The following LEMD1 variants were observed in gnomAD, a reference collection of about 807,000 sequenced individuals.
LEMD1 encodes the protein LEM domain containing 1.
Under a neutral mutation model 17.4 loss-of-function variants are expected in LEMD1, and 18 were observed. The observed-to-expected ratio is 1.04, with a 90% CI of 0.72 to 1.54. LEMD1 has a LOEUF of 1.54. Ranked by LOEUF, LEMD1 falls within the 40% of genes most tolerant of loss-of-function variation. The pLI is 0.00. For synonymous variants in LEMD1, 88 were observed against 77.8 expected, an observed-to-expected ratio of 1.13 and a Z score of -0.69; for missense variants, 195 against 210.4, an observed-to-expected ratio of 0.93 and a Z score of 0.45.
At chr1:205,447,681 C>T (rs941692776) in intron 1 of LEMD1, among the ~76,000 whole-genome samples, 5 of 151,940 alleles carry the variant, frequency 3.3e-5, no homozygotes, top group Admixed American at 1.3e-4. Flanking sequence ...CTTCACACAC[C>T]GCAGGAGGGG....
At chr1:205,438,804 G>A (rs1337096882) in intron 1 of LEMD1, among the ~76,000 whole-genome samples, 2 of 152,028 alleles carry the variant, frequency 1.3e-5, no homozygotes, top group African/African-American at 2.4e-5. Flanking sequence ...GTATCCCTCT[G>A]GAGCCAAGGG....
intron 4 of LEMD1, among the ~76,000 whole-genome samples, chr1:205,415,370 G>C (rs1483697006): frequency 2.0e-5 from 3 of 152,112 alleles, no homozygotes; most frequent in African/African-American, 4.8e-5. Context: ...CCGCAAAGAG[G>C]GGGTGAGGGA....
At chr1:205,388,399 C>G (rs1421693900) in intron 4 of LEMD1, among the ~76,000 whole-genome samples, 2 of 152,272 alleles carry the variant, frequency 1.3e-5, no homozygotes, top group East Asian at 3.9e-4. Flanking sequence ...GGGGTTTCAC[C>G]AGGATGGCCT....
Position 205,421,990 on chromosome 1 carries a change from C to A in LEMD1, c.-39G>T, listed in dbSNP as rs1395233591. 1.3e-5 allele frequency: 2 copies of A among 152,132 alleles called. No individual in the cohort carries two copies. Among genetic ancestry groups the A allele is most frequent in the Non-Finnish European group, 2.9e-5 (2 of 68,028 alleles). The allele number at this position is 152,132 out of a possible 1,614,324, so 9.4% of individuals were successfully genotyped here. ...CCAACTGGATGATTAATTCACTTAC[C>A]CCTTCACATGGTTATCTAAAGTCTA... On this transcript the variant is annotated splice_region_variant and 5_prime_UTR_variant, in exon 1 of 6. Transcript: ENST00000367153.
At chr1:205,420,344 C>T (rs1665903328) in intron 2 of LEMD1, 111 bp downstream of exon 2, 1 of 804,188 alleles carries the variant, frequency 1.2e-6, no homozygotes, top group Non-Finnish European at 2.1e-6. Flanking sequence ...TCTGTTTTCT[C>T]TATGTTCCTA....
At chr1:205,390,598 T>C (rs1664287020) in intron 4 of LEMD1, among the ~76,000 whole-genome samples, 1 of 152,222 alleles carries the variant, frequency 6.6e-6, no homozygotes, top group African/African-American at 2.4e-5. Context: ...CAAACCAGGC[T>C]ACAAAATAAT....
At chr1:205,418,763 GC>G (rs1412791371) in intron 3 of LEMD1, among the ~76,000 whole-genome samples, 1 of 152,204 alleles carries the variant, frequency 6.6e-6, no homozygotes, top group Non-Finnish European at 1.5e-5. Context: ...TGCTCCGCCT[GC>G]CTCGGCCTCC....
intron 4 of LEMD1, among the ~76,000 whole-genome samples, chr1:205,400,846 C>CT (rs1553393659): frequency 4.0e-5 from 4 of 100,724 alleles, no homozygotes; most frequent in Non-Finnish European, 5.8e-5. Context: ...CTATCCCTCC[C>CT]CCCCCCCACC....
chr1:205,394,453 C>T (rs184468366), intron 4 of LEMD1, among the ~76,000 whole-genome samples: 6 of 152,004 alleles, frequency 3.9e-5, no homozygotes, highest in Non-Finnish European at 5.9e-5. Flanking sequence ...GGCACAATCT[C>T]GGCTCACCAC....
intron 1 of LEMD1, among the ~76,000 whole-genome samples, chr1:205,440,375 C>T (rs1319820101): frequency 6.6e-6 from 1 of 152,230 alleles, no homozygotes; most frequent in African/African-American, 2.4e-5. Context: ...CCTGGCCCCA[C>T]CTGGCCCAGG....
intron 4 of LEMD1, among the ~76,000 whole-genome samples, chr1:205,393,907 G>A (rs1228275199): frequency 6.7e-6 from 1 of 150,340 alleles, no homozygotes; most frequent in Admixed American, 6.6e-5. Context: ...GAACATGAAT[G>A]TTCATAGTGG....
intron 4 of LEMD1, among the ~76,000 whole-genome samples, chr1:205,400,317 C>A (rs1664781644): frequency 6.6e-6 from 1 of 152,306 alleles, no homozygotes. Context: ...CTTGGCCTCC[C>A]AAAGTGTTGG....
chr1:205,429,527 AT>A (rs1262753217), intron 1 of LEMD1, among the ~76,000 whole-genome samples: 1 of 152,178 alleles, frequency 6.6e-6, no homozygotes, highest in African/African-American at 2.4e-5. Context: ...TAGAACATCC[AT>A]TATGCCCTCA....
At chr1:205,425,787 A>G (rs1666047808), upstream of LEMD1, among the ~76,000 whole-genome samples, 1 of 152,238 alleles carries the variant, frequency 6.6e-6, no homozygotes, top group Non-Finnish European at 1.5e-5. Flanking sequence ...AAAGGGGAAA[A>G]TGCTGCCTAA....
intron 2 of LEMD1, 46 bp from the exon 3 acceptor site, chr1:205,419,398 A>G: frequency 6.2e-7 from 1 of 1,607,472 alleles, no homozygotes; most frequent in Non-Finnish European, 8.5e-7. Flanking sequence ...TGTTTTTTGT[A>G]TATGAGCCTA....
At position 205,420,559 on chromosome 1, in the gene LEMD1, T is replaced by G; in HGVS notation, c.-23A>C. The G allele has an allele frequency of 6.4e-7, 1 of 1,567,792 alleles. No homozygotes were observed. The highest frequency in any genetic ancestry group is 1.1e-5 in the South Asian group (1 of 90,162). ...CATGATGATAGAAGTTTGGCCTCTT[T>G]TCTGATGGTAGAATCCTTGAAATAA... On this transcript the variant is annotated 5_prime_UTR_variant, in exon 2 of 6. Coordinates refer to ENST00000367153, the MANE Select transcript of LEMD1 (RefSeq NM_001199050.2).
chr1:205,411,349 C>T (rs1035644729), intron 4 of LEMD1, among the ~76,000 whole-genome samples: 8 of 151,572 alleles, frequency 5.3e-5, no homozygotes, highest in Non-Finnish European at 1.0e-4. Flanking sequence ...GGGCGGATCA[C>T]GAGGTCAGGA....
chr1:205,398,020 A>G (rs1038692424), intron 4 of LEMD1, among the ~76,000 whole-genome samples: 1 of 152,204 alleles, frequency 6.6e-6, no homozygotes, highest in East Asian at 1.9e-4. Flanking sequence ...ACAGAAAAGA[A>G]ATCAACATTT....
chr1:205,439,265 G>A (rs1666255534), intron 1 of LEMD1, among the ~76,000 whole-genome samples: 1 of 152,204 alleles, frequency 6.6e-6, no homozygotes, highest in Non-Finnish European at 1.5e-5. Flanking sequence ...GTTCCCTTGA[G>A]GGAAGGACTT....
Sources: gnomAD v4.1 joint callset for allele counts (sites outside exome capture counted in the v4.1 genomes callset) on GRCh38, gnomAD v4.1.1 for gene constraint, MANE v1.5 for transcripts, NCBI Gene and HGNC (gene_info 2026-07-23, HGNC 2026-07-21) for gene names.